The following RFX7 variants were observed in gnomAD, a reference collection of about 807,000 sequenced individuals.
The protein encoded by RFX7 is regulatory factor X7, also known as DNA-binding protein RFX7.
RFX7 carries 26 observed loss-of-function variants against 111.8 expected under a neutral mutation model. The ratio of observed to expected loss-of-function variants is 0.23; its 90% CI spans 0.17 to 0.32. The LOEUF (loss-of-function observed/expected upper bound fraction) is 0.32. RFX7 is among the 10% of genes least tolerant of loss of function. The pLI is 1.00. For missense variants in RFX7, 1,573 were observed against 1,772.9 expected (o/e 0.89, Z 2.02); for synonymous variants, 624 against 624.4 (o/e 1.00, Z 0.01).
chr15:56,107,581 C>G (rs1595928634), intron 5 of RFX7, among the ~76,000 whole-genome samples: 1 of 152,012 alleles, frequency 6.6e-6, no homozygotes, highest in South Asian at 2.1e-4. Context: ...CTAACCATAC[C>G]TGACATTTTT....
At chr15:56,110,301 C>G (rs1332121466) in intron 5 of RFX7, among the ~76,000 whole-genome samples, 1 of 76,778 alleles carries the variant, frequency 1.3e-5, no homozygotes, top group Non-Finnish European at 2.9e-5. Context: ...GCCAGCCGCC[C>G]CGTCCGGGAG....
At chr15:56,123,792 T>C (rs2042107411) in intron 5 of RFX7, among the ~76,000 whole-genome samples, 1 of 152,182 alleles carries the variant, frequency 6.6e-6, no homozygotes, top group East Asian at 1.9e-4. Context: ...GTCTGAATGC[T>C]CTTTCCACAG....
chr15:56,203,195 G>GCCAA (rs1286156181), intron 2 of RFX7, among the ~76,000 whole-genome samples: 4 of 152,188 alleles, frequency 2.6e-5, no homozygotes, highest in Admixed American at 2.6e-4. Context: ...AACGTGAGAA[G>GCCAA]CCAACCATAT....
At position 56,093,553 on chromosome 15, in the gene RFX7, C is replaced by A. The variant is rs1161953647; in HGVS notation, c.4175G>T (p.Gly1392Val). Reference sequence around the variant, plus strand: ...TAAAGTGTTCAAATCATTGATGCTGCCTGAGAGCTCAGAAGACAACCTGAT... The same window carrying A: ...TAAAGTGTTCAAATCATTGATGCTGACTGAGAGCTCAGAAGACAACCTGAT... ...SDIRLSSELSGSINDLNTLDP... is the reference protein window; with the variant it reads ...SDIRLSSELSVSINDLNTLDP... Residue 1392 changes from glycine (G) to valine (V), a missense_variant, in exon 10 of 10, where the codon GGC (glycine) becomes GTC (valine). Coordinates refer to ENST00000559447, the MANE Select transcript of RFX7 (RefSeq NM_022841.7). The A allele has an allele frequency of 1.1e-5, 17 of 1,613,644 alleles. No individual in the cohort carries two copies. Among genetic ancestry groups the A allele is most frequent in the Non-Finnish European group, 1.4e-5 (17 of 1,179,766 alleles).
At chr15:56,187,027 A>G (rs1227001844) in intron 2 of RFX7, among the ~76,000 whole-genome samples, 1 of 152,208 alleles carries the variant, frequency 6.6e-6, no homozygotes, top group African/African-American at 2.4e-5. Context: ...TTTCAATTAA[A>G]ATAATGCTTC....
chr15:56,125,599 CTGTGTGTGTGAGTGTGTGTGTGTGTGTG>C (rs2042132655), intron 5 of RFX7, among the ~76,000 whole-genome samples: 1 of 116,788 alleles, frequency 8.6e-6, no homozygotes, highest in South Asian at 3.4e-4. Flanking sequence ...AGGGTTTCTT[CTGTGTGTGTGAGTGTGTGTGTGTGTGTG>C]TGTGTGTGTG....
At chr15:56,153,069 T>C (rs1219745962) in intron 3 of RFX7, among the ~76,000 whole-genome samples, 3 of 152,170 alleles carry the variant, frequency 2.0e-5, no homozygotes. Flanking sequence ...CAGTAATTAA[T>C]AGCCTACCAA....
chr15:56,093,880 A>C lies in RFX7; in HGVS notation c.3848T>G (p.Leu1283Arg). 6.2e-7 allele frequency: 1 copy of C among 1,613,982 alleles called. No homozygotes were observed. ...LPSNYTARMN[L>R]TQILEPSTVF... ...AGTGGAAGGTTCCAAAATCTGAGTGAGATTCATCCGGGCTGTATAATTAGA... is the reference window on the plus strand; with the variant it reads ...AGTGGAAGGTTCCAAAATCTGAGTGCGATTCATCCGGGCTGTATAATTAGA... The change falls in exon 10 of 10, where the codon CTC (leucine) becomes CGC (arginine). Residue 1283 changes from leucine (L) to arginine (R), a missense_variant. Transcript: ENST00000559447.
At chr15:56,206,145 G>A (rs1185689127) in intron 2 of RFX7, among the ~76,000 whole-genome samples, 3 of 152,042 alleles carry the variant, frequency 2.0e-5, no homozygotes, top group Non-Finnish European at 4.4e-5. Context: ...AATGTTGAGA[G>A]CAGCACTATT....
intron 2 of RFX7, among the ~76,000 whole-genome samples, chr15:56,180,112 A>C (rs1271418389): frequency 1.3e-5 from 2 of 152,208 alleles, no homozygotes; most frequent in African/African-American, 4.8e-5. Context: ...AAAGATGTTA[A>C]AACCAAATTG....
chr15:56,222,249 T>C (rs1450887633), intron 2 of RFX7, among the ~76,000 whole-genome samples: 1 of 152,214 alleles, frequency 6.6e-6, no homozygotes, highest in African/African-American at 2.4e-5. Context: ...TTTCCCTATG[T>C]ATATCACGTA....
rs58597217 is a variant in RFX7, at chr15:56,179,761, AACACACACACAC to A, written c.162-470_162-459del. Among the ~76,000 whole-genome samples the A allele has an allele frequency of 8.1e-3, 1,118 of 137,392 alleles. 5 individuals carry two copies. The highest frequency in any genetic ancestry group is 0.017 in the Middle Eastern group (5 of 286). The allele number at this position is 137,392 out of a possible 152,430, so 90.1% of individuals were successfully genotyped here. A position where few individuals can be genotyped will look rare whatever the true frequency, so the allele number is the denominator to read the frequency against. ...TTCTGTTCCCTCCTCTCTCTGTCTC[AACACACACACAC>A]ACACACACACACACACACACACACA... is the stretch of plus-strand genomic sequence containing the variant. On this transcript the variant is annotated intron_variant, in intron 2 of 9. Coordinates refer to ENST00000559447, the MANE Select transcript of RFX7 (RefSeq NM_022841.7).
At chr15:56,112,592 T>C (rs1447506413) in intron 5 of RFX7, among the ~76,000 whole-genome samples, 1 of 152,090 alleles carries the variant, frequency 6.6e-6, no homozygotes, top group Non-Finnish European at 1.5e-5. Flanking sequence ...GACATAGGCA[T>C]GGGAGAAGAT....
chr15:56,198,808 C>T (rs940392781), intron 2 of RFX7, among the ~76,000 whole-genome samples: 1 of 152,014 alleles, frequency 6.6e-6, no homozygotes, highest in African/African-American at 2.4e-5. Context: ...TAATAAAGAC[C>T]TGAGAGTTCA....
At chr15:56,183,683 C>G (rs1245367320) in intron 2 of RFX7, among the ~76,000 whole-genome samples, 1 of 152,116 alleles carries the variant, frequency 6.6e-6, no homozygotes, top group Non-Finnish European at 1.5e-5. Context: ...ACAGTCTTGA[C>G]AATTCTTGGA....
intron 5 of RFX7, among the ~76,000 whole-genome samples, chr15:56,112,361 A>G (rs1411190027): frequency 3.3e-5 from 5 of 149,516 alleles, no homozygotes; most frequent in South Asian, 4.3e-4. Flanking sequence ...ACAGAATAAA[A>G]AATATCAGAG....
chr15:56,161,154 G>A (rs1341667680), intron 3 of RFX7, among the ~76,000 whole-genome samples: 7 of 152,068 alleles, frequency 4.6e-5, no homozygotes, highest in Non-Finnish European at 4.4e-5. Flanking sequence ...GAAAAGTGAT[G>A]CAATGCTGAC....
intron 2 of RFX7, among the ~76,000 whole-genome samples, chr15:56,227,630 TTAGAG>T (rs1228284814): frequency 1.3e-5 from 2 of 152,182 alleles, no homozygotes; most frequent in East Asian, 1.9e-4. Context: ...CGCAAGTACC[TTAGAG>T]TATTCTCAAT....
rs373883139 is a variant in RFX7, at chr15:56,113,957, T to C, written c.402-10287A>G. Among the ~76,000 whole-genome samples, 4 of 152,112 alleles carry C rather than the reference T, an allele frequency of 2.6e-5. No individual in the cohort carries two copies. The East Asian group carries it at 7.7e-4, about 29-fold the overall frequency. ...TTTGCTAGACAATCTGAAAGACAAA[T>C]GAAGTACAAGTAATATGGTCAAATA... On this transcript the variant is annotated intron_variant, in intron 5 of 9. Transcript: ENST00000559447.
Sources: gnomAD v4.1 joint callset for allele counts (sites outside exome capture counted in the v4.1 genomes callset) on GRCh38, gnomAD v4.1.1 for gene constraint, MANE v1.5 for transcripts, NCBI Gene and HGNC (gene_info 2026-07-23, HGNC 2026-07-21) for gene names.